Variants in RBM39 observed in about 807,000 individuals in gnomAD.
RBM39 encodes the protein RNA binding motif protein 39, also known as RNA-binding protein 39.
Under a neutral mutation model 79.6 loss-of-function variants are expected in RBM39, and 12 were observed. The ratio of observed to expected loss-of-function variants is 0.15; its 90% confidence interval spans 0.10 to 0.24. RBM39 has a LOEUF of 0.24. Among genes scored for constraint, RBM39 ranks in the 10% least tolerant of loss-of-function variants. RBM39 has a pLI of 1.00. For synonymous variants in RBM39, 185 were observed against 208.4 expected, an observed-to-expected ratio of 0.89 and a Z score of 0.97; for missense variants, 243 against 653.4, an observed-to-expected ratio of 0.37 and a Z score of 6.85.
At chr20:35,716,141 T>C (rs1393491593) in intron 10 of RBM39, among the ~76,000 whole-genome samples, 1 of 152,210 alleles carries the variant, frequency 6.6e-6, no homozygotes, top group Non-Finnish European at 1.5e-5. Context: ...TAGCACAATC[T>C]TGGCTCACTG....
At chr20:35,721,918 C>A (rs766454094) in intron 8 of RBM39, 41 bp from the exon 9 acceptor site, 4 of 1,595,010 alleles carry the variant, frequency 2.5e-6, no homozygotes, top group Non-Finnish European at 3.4e-6. Flanking sequence ...TAACACACAG[C>A]AGTTTAAAGA....
intron 15 of RBM39, 117 bp downstream of exon 15, chr20:35,705,108 A>G (rs2035558914): frequency 3.0e-6 from 2 of 665,278 alleles, no homozygotes; most frequent in Non-Finnish European, 5.2e-6. Flanking sequence ...ACTTTCAGGC[A>G]CACACACACA....
chr20:35,726,123 A>T (rs924290926), intron 6 of RBM39, among the ~76,000 whole-genome samples: 16 of 152,296 alleles, frequency 1.1e-4, no homozygotes, highest in African/African-American at 3.8e-4. Flanking sequence ...TCTCAAAAAA[A>T]GTAATTTTTC....
intron 4 of RBM39, among the ~76,000 whole-genome samples, chr20:35,730,279 T>TA (rs2039223690): frequency 6.6e-6 from 1 of 152,232 alleles, no homozygotes; most frequent in Admixed American, 6.5e-5. Context: ...TGTGACTTTT[T>TA]AAAGACCAGG....
At position 35,702,272 on chromosome 20, in the gene RBM39, G is replaced by C. The variant is rs1347120984; in HGVS notation, c.*2209C>G. On this transcript the variant is annotated 3_prime_UTR_variant, in exon 17 of 17. Coordinates refer to ENST00000253363, the MANE Select transcript of RBM39 (RefSeq NM_184234.3). ...CAGGAGGAAATTAAGGACATTACCA[G>C]ATTAGTTACAGATTTTCGAACCAGT... 2 of 152,212 alleles carry C rather than the reference G, an allele frequency of 1.3e-5. No homozygotes were observed. Among genetic ancestry groups the C allele is most frequent in the Admixed American group, 6.5e-5 (1 of 15,274 alleles). The allele number at this position is 152,212 out of a possible 1,614,324, so 9.4% of individuals were successfully genotyped here. A position where few individuals can be genotyped will look rare whatever the true frequency, so the allele number is the denominator to read the frequency against.
chr20:35,727,463 G>GT (rs2038866386), intron 6 of RBM39, among the ~76,000 whole-genome samples: 1 of 148,652 alleles, frequency 6.7e-6, no homozygotes, highest in Non-Finnish European at 1.5e-5. Context: ...AACCGAAATC[G>GT]TAGACTGAAC....
At chr20:35,720,857 C>G (rs1327302108) in intron 9 of RBM39, among the ~76,000 whole-genome samples, 1 of 152,176 alleles carries the variant, frequency 6.6e-6, no homozygotes, top group Non-Finnish European at 1.5e-5. Context: ...GGGGCATTCA[C>G]CCACTGAAGA....
intron 9 of RBM39, among the ~76,000 whole-genome samples, chr20:35,720,872 A>C (rs1168562257): frequency 6.6e-6 from 1 of 152,214 alleles, no homozygotes; most frequent in Non-Finnish European, 1.5e-5. Context: ...TGAAGATTTC[A>C]ACAGACAGAA....
intron 10 of RBM39, among the ~76,000 whole-genome samples, chr20:35,715,323 C>T (rs777962488): frequency 6.6e-6 from 1 of 152,060 alleles, no homozygotes; most frequent in Non-Finnish European, 1.5e-5. Flanking sequence ...TATAGGCGCC[C>T]GCCACCACGC....
chr20:35,707,307 A>T, intron 13 of RBM39, 106 bp from the exon 14 acceptor site: 2 of 588,790 alleles, frequency 3.4e-6, no homozygotes, highest in Non-Finnish European at 5.8e-6. Context: ...TGTAACTAGG[A>T]TGTCACTGGA....
At chr20:35,727,920 A>G (rs555908081) in intron 6 of RBM39, among the ~76,000 whole-genome samples, 41 of 152,028 alleles carry the variant, frequency 2.7e-4, no homozygotes, top group African/African-American at 9.6e-4. Context: ...GAGTGCTGGG[A>G]TTACAGGCGT....
chr20:35,724,791 CTGT>C lies in RBM39; in HGVS notation c.535-72_535-70del, dbSNP rs2038446379. 5 of 1,526,652 alleles carry C rather than the reference CTGT, an allele frequency of 3.3e-6. No homozygotes were observed. In the Admixed American group the frequency reaches 5.4e-5, roughly 17 times the overall value. 94.6% of individuals were successfully genotyped at this position (1,526,652 alleles called of 1,614,324 possible). A position where few individuals can be genotyped will look rare whatever the true frequency, so the allele number is the denominator to read the frequency against. On this transcript the variant is annotated intron_variant, in intron 7 of 16. Transcript: ENST00000253363. ...ACATGTAGAATTATTTCAAGAGACACTGTTGAAGGATGAAGGTATTTTTAAAAA... is the reference window on the plus strand; with the variant it reads ...ACATGTAGAATTATTTCAAGAGACACTGAAGGATGAAGGTATTTTTAAAAA...
At position 35,731,991 on chromosome 20, in the gene RBM39, G is replaced by A. The variant is rs1230330440; in HGVS notation, c.246C>T (p.Ser82=). Residue 82 remains serine, a synonymous_variant, in exon 4 of 17, where the codon AGC becomes AGT. Coordinates refer to ENST00000253363, the MANE Select transcript of RBM39 (RefSeq NM_184234.3). The part of the protein sequence containing the change: ...KRSRSKERRR[S]RSRSRDRRFR... ...ATCTTCGATCTCGACTTCTTGAGCG[G>A]CTCCGTCGCCTCTCTTTGCTTCTAC... is the stretch of plus-strand genomic sequence containing the variant. 57 of 1,613,956 alleles carry A rather than the reference G, an allele frequency of 3.5e-5. 1 individual carries two copies. The Admixed American group carries it at 9.3e-4, about 26-fold the overall frequency.
At chr20:35,734,088 A>C (rs1347636927) in intron 3 of RBM39, 1 of 460,122 alleles carries the variant, frequency 2.2e-6, no homozygotes, top group East Asian at 7.9e-5. Context: ...TTATCAAAGC[A>C]AAGTTACATA....
At chr20:35,730,947 T>C (rs2039303294) in intron 4 of RBM39, among the ~76,000 whole-genome samples, 1 of 152,194 alleles carries the variant, frequency 6.6e-6, no homozygotes, top group African/African-American at 2.4e-5. Flanking sequence ...GGAATTCATG[T>C]AATGCCAAAA....
chr20:35,706,978 GATCGCGCC>G (rs1201790376), intron 14 of RBM39, 134 bp downstream of exon 14: 1 of 365,724 alleles, frequency 2.7e-6, no homozygotes, highest in Non-Finnish European at 4.5e-6. Context: ...AGTAAGCCAA[GATCGCGCC>G]ATTGCACTCC....
At chr20:35,729,075 CAAAA>C (rs1326943304) in intron 6 of RBM39, among the ~76,000 whole-genome samples, 1 of 58,014 alleles carries the variant, frequency 1.7e-5, no homozygotes, top group Non-Finnish European at 3.5e-5. Flanking sequence ...GACTCCGTCT[CAAAA>C]TAAATAAATA....
At chr20:35,727,903 C>T (rs1446016987) in intron 6 of RBM39, among the ~76,000 whole-genome samples, 6 of 152,126 alleles carry the variant, frequency 3.9e-5, no homozygotes, top group African/African-American at 1.4e-4. Flanking sequence ...CCTGCCTCGG[C>T]CTTCCAGAGT....
chr20:35,739,319 A>G, intron 2 of RBM39: 4 of 461,232 alleles, frequency 8.7e-6, no homozygotes, highest in South Asian at 7.2e-5. Context: ...TGAAGTGGTT[A>G]AATATAATTT....
Sources: gnomAD v4.1 joint callset for allele counts (sites outside exome capture counted in the v4.1 genomes callset) on GRCh38, gnomAD v4.1.1 for gene constraint, MANE v1.5 for transcripts, NCBI Gene and HGNC (gene_info 2026-07-23, HGNC 2026-07-21) for gene names.